The following INSC variants were observed in gnomAD, a reference collection of about 807,000 sequenced individuals.
INSC encodes the protein INSC spindle orientation adaptor protein.
INSC carries 67 observed loss-of-function variants against 58.6 expected under a neutral mutation model. That is an observed-to-expected ratio of 1.14 (90% confidence interval 0.94 to 1.40). The LOEUF is 1.40. Ranked by LOEUF, INSC falls within the 40% of genes most tolerant of loss-of-function variation. The pLI is 0.00. For missense variants in INSC, 714 were observed against 692.0 expected (o/e 1.03, Z -0.36); for synonymous variants, 262 against 276.1 (o/e 0.95, Z 0.51).
At chr11:15,209,959 T>C (rs1850956005) in intron 7 of INSC, among the ~76,000 whole-genome samples, 1 of 152,192 alleles carries the variant, frequency 6.6e-6, no homozygotes, top group Admixed American at 6.5e-5. Flanking sequence ...AGCCCCTGTT[T>C]GCACCACTTA....
intron 7 of INSC, among the ~76,000 whole-genome samples, chr11:15,207,762 A>G (rs1031879849): frequency 5.9e-5 from 9 of 152,234 alleles, no homozygotes; most frequent in Admixed American, 2.6e-4. Flanking sequence ...GCAAAAAATA[A>G]ATAAAAAATT....
At chr11:15,152,436 A>G (rs1454276798) in intron 2 of INSC, among the ~76,000 whole-genome samples, 1 of 152,188 alleles carries the variant, frequency 6.6e-6, no homozygotes, top group Non-Finnish European at 1.5e-5. Flanking sequence ...TACATAGCAA[A>G]CTGAAGCCCA....
chr11:15,114,707 G>GT (rs1402299961), upstream of INSC, among the ~76,000 whole-genome samples: 1 of 152,324 alleles, frequency 6.6e-6, no homozygotes, highest in African/African-American at 2.4e-5. Flanking sequence ...GGAGGGCCAT[G>GT]TTTCCCCCCC....
chr11:15,169,518 TTTG>T (rs966873895), intron 2 of INSC, among the ~76,000 whole-genome samples: 2 of 150,576 alleles, frequency 1.3e-5, no homozygotes, highest in Non-Finnish European at 1.5e-5. Context: ...GCTCACAGTT[TTTG>T]TTGTTGTTGT....
intron 7 of INSC, among the ~76,000 whole-genome samples, chr11:15,215,587 CTCCCT>C (rs373686155): frequency 7.9e-5 from 12 of 152,368 alleles, no homozygotes; most frequent in Non-Finnish European, 1.3e-4. Flanking sequence ...ATCTCATCTC[CTCCCT>C]GGGCCTCCAT....
At chr11:15,235,400 G>C (rs960565715) in intron 9 of INSC, among the ~76,000 whole-genome samples, 1 of 152,180 alleles carries the variant, frequency 6.6e-6, no homozygotes, top group African/African-American at 2.4e-5. Flanking sequence ...CTGATAAATG[G>C]GCATTAGTCA....
intron 3 of INSC, 27 bp downstream of exon 3, chr11:15,176,113 C>T (rs374475457): frequency 9.4e-5 from 138 of 1,465,770 alleles, no homozygotes; most frequent in Middle Eastern, 5.6e-4. Flanking sequence ...TAGGAGTGGG[C>T]GGGAACTGGA....
chr11:15,134,203 C>T (rs1214967143), intron 1 of INSC, among the ~76,000 whole-genome samples: 2 of 152,092 alleles, frequency 1.3e-5, no homozygotes, highest in South Asian at 2.1e-4. Context: ...GTGCCTAATA[C>T]CATATTTCAT....
At chr11:15,113,180 A>G (rs903454505), upstream of INSC, among the ~76,000 whole-genome samples, 10 of 62,544 alleles carry the variant, frequency 1.6e-4, no homozygotes, top group Non-Finnish European at 3.7e-4. Flanking sequence ...TTTTGATGCA[A>G]TCTCACTCTG....
In INSC at chr11:15,220,008, T is replaced by C. The variant is rs566240543; in HGVS notation, c.820-1469T>C. 4.2e-4 allele frequency among the ~76,000 whole-genome samples: 64 copies of C among 152,270 alleles called. No homozygotes were observed. In the South Asian group the frequency reaches 0.012, roughly 30 times the overall value. ...CTTTTATTAAGCACATCCAGGTGAA[T>C]TTTATTGTGGACAGTTCCCTGGGCT... On this transcript the variant is annotated intron_variant, in intron 7 of 12. Transcript: ENST00000379556.
At chr11:15,254,368 A>G in the INSC span, among the ~76,000 whole-genome samples, 1 of 152,176 alleles carries the variant, frequency 6.6e-6, no homozygotes, top group Non-Finnish European at 1.5e-5. Flanking sequence ...GGAAAGAAAA[A>G]CAAATATAAG....
At chr11:15,111,927 A>G (rs1847582556), upstream of INSC, among the ~76,000 whole-genome samples, 1 of 152,200 alleles carries the variant, frequency 6.6e-6, no homozygotes, top group Admixed American at 6.5e-5. Flanking sequence ...ACCAGAACCT[A>G]GTACTGTTCT....
intron 6 of INSC, among the ~76,000 whole-genome samples, chr11:15,198,926 A>C (rs1026434992): frequency 6.6e-5 from 10 of 152,148 alleles, no homozygotes; most frequent in African/African-American, 2.2e-4. Flanking sequence ...CATGCCAGAC[A>C]TTTTTACTGA....
At chr11:15,193,350 T>G (rs1850249650) in intron 6 of INSC, among the ~76,000 whole-genome samples, 1 of 152,246 alleles carries the variant, frequency 6.6e-6, no homozygotes, top group Non-Finnish European at 1.5e-5. Flanking sequence ...ACGTGCAGGT[T>G]TGTTACCTAT....
intron 1 of INSC, among the ~76,000 whole-genome samples, chr11:15,142,033 C>T (rs1408995418): frequency 6.6e-6 from 1 of 152,198 alleles, no homozygotes; most frequent in Non-Finnish European, 1.5e-5. Flanking sequence ...GTTCCTTTCA[C>T]AGTCAGGGCT....
chr11:15,158,499 G>T (rs938573576), intron 2 of INSC, among the ~76,000 whole-genome samples: 1 of 151,980 alleles, frequency 6.6e-6, no homozygotes, highest in African/African-American at 2.4e-5. Context: ...TAAGAACTAG[G>T]GCAAATGTCA....
At position 15,201,573 on chromosome 11, in the gene INSC, G is replaced by A. The variant is rs1850593551; in HGVS notation, c.819+624G>A. Among the ~76,000 whole-genome samples, 3 of 152,228 alleles carry A rather than the reference G, an allele frequency of 2.0e-5. No homozygotes were observed. The South Asian group carries it at 6.2e-4, about 32-fold the overall frequency. On this transcript the variant is annotated intron_variant, in intron 7 of 12. Transcript: ENST00000379556. ...TGACATAACTAATTCCCGCCACCCT[G>A]ACCCCTTCCCTGGTTGTGCGACTGA...
intron 7 of INSC, among the ~76,000 whole-genome samples, chr11:15,205,724 G>C (rs1368957888): frequency 1.3e-5 from 2 of 152,126 alleles, no homozygotes; most frequent in Non-Finnish European, 2.9e-5. Flanking sequence ...CGAGGAAACT[G>C]AGACTCCGAG....
In INSC at chr11:15,175,808, G is replaced by T. The variant is rs201429164; in HGVS notation, c.124G>T (p.Glu42Ter). The T allele has an allele frequency of 6.8e-6, 11 of 1,605,886 alleles. No individual in the cohort carries two copies. Among genetic ancestry groups the T allele is most frequent in the Non-Finnish European group, 9.4e-6 (11 of 1,173,472 alleles). Residue 42 changes from glutamate to a stop codon, truncating the protein, a stop_gained, in exon 3 of 13, where the codon GAG (glutamate) becomes TAG (stop). Transcript: ENST00000379556. LOFTEE classifies it high-confidence loss of function. ...MEDLKLMTEC[E>*]CMCVLQAKPI... ...AGATCTGAAGCTCATGACCGAGTGC[G>T]AGTGCATGTGTGTCCTGCAGGCCAA...
Sources: gnomAD v4.1 joint callset for allele counts (sites outside exome capture counted in the v4.1 genomes callset) on GRCh38, gnomAD v4.1.1 for gene constraint, MANE v1.5 for transcripts, NCBI Gene and HGNC (gene_info 2026-07-23, HGNC 2026-07-21) for gene names.